PRELID2: variants seen among roughly 807,000 people sequenced by gnomAD.
PRELID2 encodes PRELI domain containing 2.
In PRELID2, 25 loss-of-function variants were observed where a neutral mutation model predicts 28.4. The ratio of observed to expected loss-of-function variants is 0.88; its 90% CI spans 0.64 to 1.23. The LOEUF (loss-of-function observed/expected upper bound fraction) is 1.23, where lower values mean the gene tolerates loss of function less well. Ranked by LOEUF, PRELID2 falls within the 50% of genes most tolerant of loss-of-function variation. The pLI is 0.00. For missense variants in PRELID2, 201 were observed against 214.4 expected, an observed-to-expected ratio of 0.94 and a Z score of 0.39; for synonymous variants, 76 against 71.6, an observed-to-expected ratio of 1.06 and a Z score of -0.31.
At chr5:145,414,107 G>A in the PRELID2 span, among the ~76,000 whole-genome samples, 1 of 152,058 alleles carries the variant, frequency 6.6e-6, no homozygotes, top group Non-Finnish European at 1.5e-5. Flanking sequence ...CCCTTTTCAG[G>A]ATATGGGAAC....
At chr5:145,405,702 G>T in the PRELID2 span, among the ~76,000 whole-genome samples, 14,413 of 54,820 alleles carry the variant, frequency 0.26, 1,913 homozygotes, top group South Asian at 0.42. Context: ...CCACATAGTT[G>T]TTTTTTTTTT....
chr5:145,235,430 A>AGG, the PRELID2 span, among the ~76,000 whole-genome samples: 1 of 152,178 alleles, frequency 6.6e-6, no homozygotes, highest in Admixed American at 6.5e-5. Context: ...TGTCAAGCCC[A>AGG]GAGGGAGTGC....
At chr5:145,324,570 C>A in the PRELID2 span, among the ~76,000 whole-genome samples, 2 of 152,120 alleles carry the variant, frequency 1.3e-5, no homozygotes, top group African/African-American at 4.8e-5. Context: ...TAGAATAATT[C>A]TTGCCAAATA....
chr5:145,432,205 G>C, the PRELID2 span, among the ~76,000 whole-genome samples: 1 of 151,938 alleles, frequency 6.6e-6, no homozygotes, highest in Admixed American at 6.6e-5. Context: ...TAGTCTATTA[G>C]GAATTTTAAC....
intron 1 of PRELID2, among the ~76,000 whole-genome samples, chr5:145,659,161 G>A (rs1213336440): frequency 6.6e-6 from 1 of 152,142 alleles, no homozygotes; most frequent in Non-Finnish European, 1.5e-5. Flanking sequence ...GCAAGCTGGT[G>A]CCCATCTCAC....
In PRELID2 at chr5:145,792,806, A is replaced by C. The variant is rs1752483378; in HGVS notation, c.474+3636T>G. 2.0e-5 allele frequency among the ~76,000 whole-genome samples: 3 copies of C among 152,344 alleles called. No homozygotes were observed. The South Asian group carries it at 6.2e-4, about 32-fold the overall frequency. On this transcript the variant is annotated intron_variant, in intron 5 of 6. Coordinates refer to ENST00000683046, the MANE Select transcript of PRELID2 (RefSeq NM_205846.3). ...GATTTTTCTTAATTCTTGAAAACTA[A>C]AACATATTTTGTATATTTGACCTGT...
the PRELID2 span, among the ~76,000 whole-genome samples, chr5:145,269,008 A>T: frequency 1.3e-5 from 2 of 152,136 alleles, no homozygotes; most frequent in Non-Finnish European, 2.9e-5. Flanking sequence ...TAAGAACTAA[A>T]ACAGCATTGA....
At chr5:145,352,140 C>G in the PRELID2 span, among the ~76,000 whole-genome samples, 1 of 152,182 alleles carries the variant, frequency 6.6e-6, no homozygotes, top group South Asian at 2.1e-4. Context: ...CACACCTCCT[C>G]TAGGCAATAC....
intron 1 of PRELID2, among the ~76,000 whole-genome samples, chr5:145,628,100 C>T (rs1753876923): frequency 6.6e-6 from 1 of 152,146 alleles, no homozygotes; most frequent in African/African-American, 2.4e-5. Context: ...ACTATTTACA[C>T]ATTGTATTTT....
chr5:145,433,559 T>A, the PRELID2 span, among the ~76,000 whole-genome samples: 1 of 152,154 alleles, frequency 6.6e-6, no homozygotes, highest in East Asian at 1.9e-4. Flanking sequence ...TGGTCCTTTA[T>A]CAGCTTCTTT....
the PRELID2 span, among the ~76,000 whole-genome samples, chr5:145,454,513 T>C: frequency 6.6e-6 from 1 of 152,136 alleles, no homozygotes; most frequent in Non-Finnish European, 1.5e-5. Flanking sequence ...GATGACATGA[T>C]TGTATATCTA....
intron 1 of PRELID2, among the ~76,000 whole-genome samples, chr5:145,826,917 C>G (rs1755231311): frequency 6.6e-6 from 1 of 152,064 alleles, no homozygotes; most frequent in Non-Finnish European, 1.5e-5. Flanking sequence ...AAAATATGAA[C>G]TTTCCAAAAA....
At chr5:145,642,937 A>G (rs948825321) in intron 1 of PRELID2, among the ~76,000 whole-genome samples, 1 of 152,218 alleles carries the variant, frequency 6.6e-6, no homozygotes, top group African/African-American at 2.4e-5. Flanking sequence ...TATAGTTTGA[A>G]GCAAGGTAGC....
the PRELID2 span, among the ~76,000 whole-genome samples, chr5:145,420,207 G>C: frequency 1.3e-5 from 2 of 152,028 alleles, no homozygotes; most frequent in Non-Finnish European, 2.9e-5. Context: ...TTGACTTGGC[G>C]ATGCGGGCTC....
At chr5:145,294,113 A>G in the PRELID2 span, among the ~76,000 whole-genome samples, 1 of 152,172 alleles carries the variant, frequency 6.6e-6, no homozygotes, top group Non-Finnish European at 1.5e-5. Context: ...TTGAAAAATT[A>G]TGCACATTAT....
chr5:145,650,877 G>A (rs959369578), intron 1 of PRELID2, among the ~76,000 whole-genome samples: 16 of 152,204 alleles, frequency 1.1e-4, no homozygotes, highest in Admixed American at 1.0e-3. Context: ...GAGGTACTGG[G>A]TTCATCTCAC....
intron 1 of PRELID2, among the ~76,000 whole-genome samples, chr5:145,551,546 G>C (rs1209520476): frequency 6.6e-6 from 1 of 152,122 alleles, no homozygotes; most frequent in Admixed American, 6.5e-5. Context: ...AAATTGACTG[G>C]AGAAATGTTG....
intron 1 of PRELID2, among the ~76,000 whole-genome samples, chr5:145,647,769 T>G (rs1033850443): frequency 1.3e-5 from 2 of 152,168 alleles, no homozygotes; most frequent in African/African-American, 4.8e-5. Context: ...CAGTCCCTCA[T>G]GGCTTCCCCT....
the PRELID2 span, among the ~76,000 whole-genome samples, chr5:145,333,255 C>T: frequency 6.6e-6 from 1 of 152,154 alleles, no homozygotes; most frequent in Non-Finnish European, 1.5e-5. Context: ...GGTCAGGGAC[C>T]CACTTGAGGA....
Sources: gnomAD v4.1 joint callset for allele counts (sites outside exome capture counted in the v4.1 genomes callset) on GRCh38, gnomAD v4.1.1 for gene constraint, MANE v1.5 for transcripts, NCBI Gene and HGNC (gene_info 2026-07-23, HGNC 2026-07-21) for gene names.